NOTCH2NLC: variants seen among roughly 807,000 people sequenced by gnomAD.
NOTCH2NLC encodes the protein notch homolog 2 N-terminal-like protein C.
A neutral mutation model predicts 17.7 loss-of-function variants in NOTCH2NLC; 4 were observed. The ratio of observed to expected loss-of-function variants is 0.23; its 90% CI spans 0.11 to 0.52. The LOEUF (loss-of-function observed/expected upper bound fraction) is 0.52. NOTCH2NLC is among the 20% of genes least tolerant of loss of function. The probability of loss-of-function intolerance (pLI) is 0.96; values close to 1 mark genes in which losing one functional copy is unlikely to be tolerated. For synonymous variants in NOTCH2NLC, 18 were observed against 86.0 expected, an observed-to-expected ratio of 0.21 and a Z score of 4.38; for missense variants, 57 against 207.2, an observed-to-expected ratio of 0.28 and a Z score of 4.45.
At chr1:149,461,890 C>T (rs1420762119) in intron 3 of NOTCH2NLC, among the ~76,000 whole-genome samples, 21 of 143,662 alleles carry the variant, frequency 1.5e-4, no homozygotes, top group Admixed American at 5.6e-4. Context: ...GGACAAAAAA[C>T]CAAACACCGC....
rs1173483095 is a variant in NOTCH2NLC, at chr1:149,390,878, G to A, written c.91G>A (p.Gly31Arg). The change falls in exon 1 of 5, where the codon GGG becomes AGG. Residue 31 changes from glycine (G) to arginine (R), a missense_variant. Coordinates refer to ENST00000650865, the MANE Select transcript of NOTCH2NLC (RefSeq NM_001364013.2). ...EDARPAPLCCGRCWRSGCAAR... is the reference protein window; with the variant it reads ...EDARPAPLCCRRCWRSGCAAR... ...TGCCCGCCCTGCGCCGCTCTGCTGT[G>A]GGCGCTGCTGGCGCTCTGGCTGTGC... The A allele has an allele frequency of 1.4e-6, 2 of 1,451,346 alleles. No individual in the cohort carries two copies. The highest frequency in any genetic ancestry group is 6.0e-5 in the East Asian group (2 of 33,558). 89.9% of individuals were successfully genotyped at this position (1,451,346 alleles called of 1,614,324 possible). A position where few individuals can be genotyped will look rare whatever the true frequency, so the allele number is the denominator to read the frequency against.
At chr1:149,445,901 TAAAA>T (rs1182076544) in intron 2 of NOTCH2NLC, among the ~76,000 whole-genome samples, 4 of 72,604 alleles carry the variant, frequency 5.5e-5, no homozygotes, top group Non-Finnish European at 1.1e-4. Context: ...ATCCTCGTTT[TAAAA>T]AAAAAAAAAA....
rs1273691319 is a variant in NOTCH2NLC at position 149,466,245 on chromosome 1, T to C, written c.*2092T>C. 2 of 141,500 alleles carry C rather than the reference T, an allele frequency of 1.4e-5. No homozygotes were observed. Among genetic ancestry groups the C allele is most frequent in the South Asian group, 4.6e-4 (2 of 4,364 alleles). The allele number at this position is 141,500 out of a possible 1,614,324, so 8.8% of individuals were successfully genotyped here. On this transcript the variant is annotated 3_prime_UTR_variant, in exon 5 of 5. Coordinates refer to ENST00000650865, the MANE Select transcript of NOTCH2NLC (RefSeq NM_001364013.2). ...TCAAATAGTACTTGTTACATATCAA[T>C]ATGTGTGTGTGTGTGTGTGTGTGTG...
At chr1:149,416,293 T>TC (rs1177556506) in intron 1 of NOTCH2NLC, among the ~76,000 whole-genome samples, 1 of 62,362 alleles carries the variant, frequency 1.6e-5, no homozygotes, top group Non-Finnish European at 3.2e-5. Flanking sequence ...TTGTCTTTTT[T>TC]CCCCCTCTGA....
At position 149,459,280 on chromosome 1, in the gene NOTCH2NLC, TAATC is replaced by T. The variant is rs1368009978; in HGVS notation, c.469+3706_469+3709del. On this transcript the variant is annotated intron_variant, in intron 3 of 4. Coordinates refer to ENST00000650865, the MANE Select transcript of NOTCH2NLC (RefSeq NM_001364013.2). ...TTTTCACAATGGAAGAAGTCCAACA[TAATC>T]AACCTGCCACCAAGTAGCTGGCTGA... Among the ~76,000 whole-genome samples the T allele has an allele frequency of 1.3e-3, 187 of 146,640 alleles. 7 individuals carry two copies. Among genetic ancestry groups the T allele is most frequent in the East Asian group, 8.3e-3 (40 of 4,814 alleles).
At chr1:149,424,786 A>G (rs2084403543) in intron 1 of NOTCH2NLC, among the ~76,000 whole-genome samples, 1 of 151,248 alleles carries the variant, frequency 6.6e-6, no homozygotes, top group Non-Finnish European at 1.5e-5. Context: ...AGGGCCCAAA[A>G]AACTTTCATG....
At chr1:149,446,842 G>T (rs1419147056) in intron 2 of NOTCH2NLC, among the ~76,000 whole-genome samples, 2 of 113,200 alleles carry the variant, frequency 1.8e-5, no homozygotes, top group African/African-American at 7.1e-5. Context: ...AGACAGTTAT[G>T]AAAATAATTA....
intron 1 of NOTCH2NLC, among the ~76,000 whole-genome samples, chr1:149,412,874 G>T (rs2084307408): frequency 6.9e-6 from 1 of 145,828 alleles, no homozygotes. Flanking sequence ...ATAGTCAGTG[G>T]CAGTACAAAG....
In NOTCH2NLC at chr1:149,464,642, A is replaced by G. The variant is rs1212403348; in HGVS notation, c.*489A>G. ...TTGGCCAATTCATTCAACTCCTTATAAAAATGATGAGGAGGCTGAAAACCA... is the reference window on the plus strand; with the variant it reads ...TTGGCCAATTCATTCAACTCCTTATGAAAATGATGAGGAGGCTGAAAACCA... On this transcript the variant is annotated 3_prime_UTR_variant, in exon 5 of 5. Transcript: ENST00000650865. The G allele has an allele frequency of 2.0e-5, 3 of 149,072 alleles. No homozygotes were observed. The highest frequency in any genetic ancestry group is 7.5e-5 in the African/African-American group (3 of 40,058). 9.2% of individuals were successfully genotyped at this position (149,072 alleles called of 1,614,324 possible).
intron 2 of NOTCH2NLC, among the ~76,000 whole-genome samples, chr1:149,451,566 C>T (rs1488155374): frequency 1.6e-4 from 24 of 150,860 alleles, no homozygotes; most frequent in African/African-American, 5.3e-4. Context: ...TCTAGTTTCA[C>T]GTAAAGCAAA....
At chr1:149,436,893 C>T (rs1221147173) in intron 2 of NOTCH2NLC, among the ~76,000 whole-genome samples, 1 of 120,804 alleles carries the variant, frequency 8.3e-6, no homozygotes, top group African/African-American at 3.2e-5. Flanking sequence ...CATTAAATAC[C>T]TCTCATAGAG....
rs1452500585 is a variant in NOTCH2NLC at position 149,471,131 on chromosome 1, ATGTC to A, written c.*6982_*6985del. Among the ~76,000 whole-genome samples the A allele has an allele frequency of 5.9e-3, 886 of 149,428 alleles. 20 individuals carry two copies. The highest frequency in any genetic ancestry group is 0.02 in the African/African-American group (818 of 40,740). The stretch of plus-strand genomic sequence containing the variant: ...AGTCATTATGTATCTTCTTTGGAGA[ATGTC>A]TGTTCAGATCCTTTACCTACTTTAT... On this transcript the variant is annotated 3_prime_UTR_variant, in exon 5 of 5. Coordinates refer to ENST00000650865, the MANE Select transcript of NOTCH2NLC (RefSeq NM_001364013.2).
In NOTCH2NLC at chr1:149,430,992, C is replaced by A. The variant is rs1197858069; in HGVS notation, c.186C>A (p.Tyr62Ter). 14 of 409,976 alleles carry A rather than the reference C, an allele frequency of 3.4e-5. No individual in the cohort carries two copies. The highest frequency in any genetic ancestry group is 6.0e-5 in the Non-Finnish European group (14 of 234,226). The allele number at this position is 409,976 out of a possible 1,614,324, so 25.4% of individuals were successfully genotyped here. A position where few individuals can be genotyped will look rare whatever the true frequency, so the allele number is the denominator to read the frequency against. Reference protein sequence around the residue: ...PCVNEGMCVTYHNGTGYCKCP... With the variant: ...PCVNEGMCVT ...TAAATGAAGGAATGTGTGTTACCTA[C>A]CACAATGGCACAGGATACTGCAAGT... The change falls in exon 2 of 5, where the codon TAC becomes TAA. Residue 62 changes from tyrosine to a stop codon, truncating the protein, a stop_gained. Coordinates refer to ENST00000650865, the MANE Select transcript of NOTCH2NLC (RefSeq NM_001364013.2). LOFTEE classifies it high-confidence loss of function.
At chr1:149,444,603 TAACA>T (rs2084537747) in intron 2 of NOTCH2NLC, among the ~76,000 whole-genome samples, 2 of 149,622 alleles carry the variant, frequency 1.3e-5, no homozygotes, top group East Asian at 4.0e-4. Context: ...GAACCAAGAT[TAACA>T]TTTTCTGAAA....
chr1:149,445,030 T>TC (rs2084541363), intron 2 of NOTCH2NLC, among the ~76,000 whole-genome samples: 1 of 146,928 alleles, frequency 6.8e-6, no homozygotes, highest in African/African-American at 2.5e-5. Flanking sequence ...TCTCTTTTTT[T>TC]CCCCTCTTTA....
Position 149,390,662 on chromosome 1 carries a change from C to T in NOTCH2NLC, c.-126C>T, listed in dbSNP as rs1242969225. Reference sequence around the variant, plus strand: ...GGCTGAGGCGGCGGCCGAGGAGCGGCGGACTCGGGGCGCGGGGAGTCGAGG... The same window carrying T: ...GGCTGAGGCGGCGGCCGAGGAGCGGTGGACTCGGGGCGCGGGGAGTCGAGG... On this transcript the variant is annotated 5_prime_UTR_variant, in exon 1 of 5. Transcript: ENST00000650865. The T allele has an allele frequency of 1.3e-5, 16 of 1,213,048 alleles. No individual in the cohort carries two copies. The highest frequency in any genetic ancestry group is 9.2e-5 in the Admixed American group (2 of 21,824). 75.1% of individuals were successfully genotyped at this position (1,213,048 alleles called of 1,614,324 possible). A position where few individuals can be genotyped will look rare whatever the true frequency, so the allele number is the denominator to read the frequency against.
In NOTCH2NLC at chr1:149,461,695, C is replaced by T. The variant is rs1379889660; in HGVS notation, c.470-1796C>T. ...GACACATGCACACGTATGTTTCTTGCGGCACTATTCACAATAGCAAAGACT... is the reference window on the plus strand; with the variant it reads ...GACACATGCACACGTATGTTTCTTGTGGCACTATTCACAATAGCAAAGACT... On this transcript the variant is annotated intron_variant, in intron 3 of 4. Coordinates refer to ENST00000650865, the MANE Select transcript of NOTCH2NLC (RefSeq NM_001364013.2). 1.1e-4 allele frequency among the ~76,000 whole-genome samples: 16 copies of T among 151,326 alleles called. 1 individual carries two copies. Among genetic ancestry groups the T allele is most frequent in the East Asian group, 3.9e-4 (2 of 5,128 alleles).
At chr1:149,410,315 T>G (rs1271224239) in intron 1 of NOTCH2NLC, among the ~76,000 whole-genome samples, 2 of 149,686 alleles carry the variant, frequency 1.3e-5, no homozygotes, top group South Asian at 4.2e-4. Context: ...TTAGAAATCC[T>G]TTACCAGAGT....
At chr1:149,412,777 C>T (rs2084306469) in intron 1 of NOTCH2NLC, among the ~76,000 whole-genome samples, 1 of 111,304 alleles carries the variant, frequency 9.0e-6, no homozygotes, top group Admixed American at 9.8e-5. Flanking sequence ...CACGCCATTG[C>T]ACTCCAACCT....
Sources: gnomAD v4.1 joint callset for allele counts (sites outside exome capture counted in the v4.1 genomes callset) on GRCh38, gnomAD v4.1.1 for gene constraint, MANE v1.5 for transcripts, NCBI Gene and HGNC (gene_info 2026-07-23, HGNC 2026-07-21) for gene names.